Variants in RIPOR3 observed in about 807,000 individuals in gnomAD.
RIPOR3 encodes family with sequence similarity 65 member C.
A neutral mutation model predicts 114.3 loss-of-function variants in RIPOR3; 95 were observed. The observed-to-expected ratio is 0.83, with a 90% CI of 0.70 to 0.99. The LOEUF (loss-of-function observed/expected upper bound fraction) is 0.99. RIPOR3 is among the 50% of genes least tolerant of loss of function. RIPOR3 has a pLI of 0.00. For synonymous variants in RIPOR3, 575 were observed against 543.8 expected, an observed-to-expected ratio of 1.06 and a Z score of -0.80; for missense variants, 1,252 against 1,266.9, an observed-to-expected ratio of 0.99 and a Z score of 0.18.
intron 14 of RIPOR3, 172 bp downstream of exon 14, chr20:50,597,408 G>T: frequency 1.0e-6 from 1 of 973,672 alleles, no homozygotes; most frequent in Non-Finnish European, 1.5e-6. Context: ...CGGCTCTGAG[G>T]CAAGTGGGGG....
Position 50,619,975 on chromosome 20 carries a change from C to G in RIPOR3, c.269+11G>C. 1 of 1,610,158 alleles carries G rather than the reference C, an allele frequency of 6.2e-7. No individual in the cohort carries two copies. Among genetic ancestry groups the G allele is most frequent in the South Asian group, 1.1e-5 (1 of 90,924 alleles). On this transcript the variant is annotated intron_variant, in intron 3 of 21. Coordinates refer to ENST00000327979, the MANE Select transcript of RIPOR3 (RefSeq NM_001290268.2). ...TGCACTTCTTAAAGGCAGCACACAG[C>G]CCAGCCTTACTTGAGGCCTCTTTTC... is the stretch of plus-strand genomic sequence containing the variant.
At chr20:50,618,270 CAAAAAAAAAAAAAAAAAA>C (rs61215608) in intron 3 of RIPOR3, among the ~76,000 whole-genome samples, 3 of 67,392 alleles carry the variant, frequency 4.5e-5, no homozygotes, top group Non-Finnish European at 7.7e-5. Flanking sequence ...GACTCCGTCT[CAAAAAAAAAAAAAAAAAA>C]AAAAAAAAAA....
Position 50,594,730 on chromosome 20 carries a change from C to T in RIPOR3, c.2051-16G>A, listed in dbSNP as rs1414013016. 1.2e-6 allele frequency: 2 copies of T among 1,602,306 alleles called. No homozygotes were observed. The highest frequency in any genetic ancestry group is 1.7e-6 in the Non-Finnish European group (2 of 1,171,510). On this transcript the variant is annotated splice_polypyrimidine_tract_variant and intron_variant, in intron 16 of 21. Coordinates refer to ENST00000327979, the MANE Select transcript of RIPOR3 (RefSeq NM_001290268.2). ...TGTGGGATGACTGAAAGCCCCAGTT[C>T]AGAAACCTGAATGGTGACTCGGGGA...
Position 50,602,444 on chromosome 20 carries a change from C to T in RIPOR3, c.1287G>A (p.Val429=), listed in dbSNP as rs764056736. ...GACCGAAGGTCAAGGGCAGGAAGCCCACATCTGAGGTGGACGCCGACGTGC... is the reference window on the plus strand; with the variant it reads ...GACCGAAGGTCAAGGGCAGGAAGCCTACATCTGAGGTGGACGCCGACGTGC... The part of the protein sequence containing the change: ...ETSTSASTSD[V]GFLPLTFGPH... Residue 429 remains valine (V), a synonymous_variant, in exon 13 of 22, where the codon GTG becomes GTA. Coordinates refer to ENST00000327979, the MANE Select transcript of RIPOR3 (RefSeq NM_001290268.2). This position sits in a 1 kb window ranked among gnomAD's most constrained non-coding sequence, Gnocchi z 4.3. 7.6e-5 allele frequency: 121 copies of T among 1,587,460 alleles called. 1 individual carries two copies. The East Asian group carries it at 9.0e-4, about 12-fold the overall frequency.
At chr20:50,617,236 A>G (rs1320745068) in intron 3 of RIPOR3, among the ~76,000 whole-genome samples, 1 of 151,872 alleles carries the variant, frequency 6.6e-6, no homozygotes, top group Non-Finnish European at 1.5e-5. Context: ...GGTCACTCAC[A>G]CTCTCTGGGC....
chr20:50,638,237 G>C (rs140779546), intron 1 of RIPOR3, among the ~76,000 whole-genome samples: 81 of 152,212 alleles, frequency 5.3e-4, no homozygotes, highest in Admixed American at 9.8e-4. Flanking sequence ...TGTGATTTAA[G>C]AGAAGAACAA....
chr20:50,650,406 A>G (rs1485081447), intron 1 of RIPOR3, among the ~76,000 whole-genome samples: 2 of 151,932 alleles, frequency 1.3e-5, no homozygotes, highest in African/African-American at 4.8e-5. Flanking sequence ...GGGCTCAAAC[A>G]ATCCTCCCAC....
rs1361327337 is a variant in RIPOR3 at position 50,596,199 on chromosome 20, C to T, written c.1855G>A (p.Ala619Thr). 6.2e-7 allele frequency: 1 copy of T among 1,614,202 alleles called. No individual in the cohort carries two copies. ...KASSRELTAG[A>T]PELDVLLMVH... ...ATCAGCAGCACGTCCAGCTCTGGGGCACCGGCTGTGAGTTCCCTGGATGAC... is the reference window on the plus strand; with the variant it reads ...ATCAGCAGCACGTCCAGCTCTGGGGTACCGGCTGTGAGTTCCCTGGATGAC... Residue 619 changes from alanine to threonine, a missense_variant, in exon 15 of 22, where the codon GCC becomes ACC. By Grantham distance (58) the Ala-to-Thr change is moderately conservative. Coordinates refer to ENST00000327979, the MANE Select transcript of RIPOR3 (RefSeq NM_001290268.2).
At chr20:50,628,546 C>G (rs1410846031) in intron 2 of RIPOR3, among the ~76,000 whole-genome samples, 1 of 152,140 alleles carries the variant, frequency 6.6e-6, no homozygotes, top group Non-Finnish European at 1.5e-5. Flanking sequence ...CTGTCCCTTC[C>G]TGCCTCCACT....
chr20:50,679,125 A>ATATATATAT (rs1600762089), intron 1 of RIPOR3, among the ~76,000 whole-genome samples: 1 of 78,972 alleles, frequency 1.3e-5, no homozygotes, highest in Non-Finnish European at 2.6e-5. Context: ...AAAAAAAAAA[A>ATATATATAT]AAAAAAAAAA....
At position 50,685,072 on chromosome 20, in the gene RIPOR3, G is replaced by A. The variant is rs1241979119; in HGVS notation, c.3+6054C>T. Among the ~76,000 whole-genome samples, 6 of 152,246 alleles carry A rather than the reference G, an allele frequency of 3.9e-5. No individual in the cohort carries two copies. The South Asian group carries it at 8.3e-4, about 21-fold the overall frequency. ...TGAGATTGTAGGTGTGAGCCACCACGTCCAGTGTAGAATTTCTTTTTTGCT... is the reference window on the plus strand; with the variant it reads ...TGAGATTGTAGGTGTGAGCCACCACATCCAGTGTAGAATTTCTTTTTTGCT... On this transcript the variant is annotated intron_variant, in intron 1 of 21. Transcript: ENST00000327979.
chr20:50,645,441 CGAGGTGGGGCCGGGG>C (rs1315093671), intron 1 of RIPOR3: 4 of 152,260 alleles, frequency 2.6e-5, no homozygotes, highest in African/African-American at 7.2e-5. Flanking sequence ...GTAGCCAGGG[CGAGGTGGGGCCGGGG>C]GAGAGGCTGA....
intron 20 of RIPOR3, among the ~76,000 whole-genome samples, chr20:50,588,571 G>T (rs1438589311): frequency 6.6e-6 from 1 of 151,998 alleles, no homozygotes; most frequent in Admixed American, 6.5e-5. Context: ...CCTAGAATTG[G>T]GTCTAGCCTA....
chr20:50,669,204 C>G, intron 1 of RIPOR3, among the ~76,000 whole-genome samples: 1 of 152,190 alleles, frequency 6.6e-6, no homozygotes, highest in Admixed American at 6.5e-5. Flanking sequence ...CACCCAGCCA[C>G]CCCGCTATTC....
At chr20:50,615,881 C>G in intron 4 of RIPOR3, 121 bp downstream of exon 4, 2 of 919,194 alleles carry the variant, frequency 2.2e-6, no homozygotes, top group South Asian at 3.3e-5. Flanking sequence ...AGAGGCTATT[C>G]CATAAACCTC....
intron 19 of RIPOR3, among the ~76,000 whole-genome samples, chr20:50,591,438 G>T (rs1046719001): frequency 6.6e-6 from 1 of 152,122 alleles, no homozygotes; most frequent in Non-Finnish European, 1.5e-5. Flanking sequence ...TGGTGGTTGG[G>T]CTTGGGTTAT....
chr20:50,659,812 T>C (rs2085934905), intron 1 of RIPOR3: 1 of 151,996 alleles, frequency 6.6e-6, no homozygotes, highest in Non-Finnish European at 1.5e-5. Flanking sequence ...TGGGAAGGTA[T>C]TGGGGTGACT....
At chr20:50,609,456 G>A (rs961988662) in intron 7 of RIPOR3, 100 bp from the exon 8 acceptor site, 23 of 1,498,246 alleles carry the variant, frequency 1.5e-5, no homozygotes, top group African/African-American at 1.4e-4. Context: ...GCAGAGAGAC[G>A]CCTCCTTGGG....
chr20:50,635,296 C>T (rs2123283538), intron 1 of RIPOR3, among the ~76,000 whole-genome samples: 1 of 152,332 alleles, frequency 6.6e-6, no homozygotes, highest in Admixed American at 6.5e-5. Flanking sequence ...TTAAAATTCT[C>T]ATTTCATTCT....
Sources: gnomAD v4.1 joint callset for allele counts (sites outside exome capture counted in the v4.1 genomes callset) on GRCh38, gnomAD v4.1.1 for gene constraint, Gnocchi (gnomAD v3.1) non-coding constraint, MANE v1.5 for transcripts, NCBI Gene and HGNC (gene_info 2026-07-23, HGNC 2026-07-21) for gene names.